Variants in WWP2 observed in about 807,000 individuals in gnomAD.
WWP2 encodes WW domain containing E3 ubiquitin protein ligase 2, also known as NEDD4-like E3 ubiquitin-protein ligase WWP2.
In WWP2, 57 loss-of-function variants were observed where a neutral mutation model predicts 121.0. That is an observed-to-expected ratio of 0.47 (90% confidence interval 0.38 to 0.59). The LOEUF (loss-of-function observed/expected upper bound fraction) is 0.59. WWP2 is among the 20% of genes least tolerant of loss of function. The probability of loss-of-function intolerance (pLI) is 0.00; values close to 1 mark genes in which losing one functional copy is unlikely to be tolerated. For synonymous variants in WWP2, 449 were observed against 441.3 expected, an observed-to-expected ratio of 1.02 and a Z score of -0.22; for missense variants, 962 against 1,158.9, an observed-to-expected ratio of 0.83 and a Z score of 2.47.
rs377062044 is a variant in WWP2 at position 69,772,541 on chromosome 16, G to T, written c.-16+10150G>T. Among the ~76,000 whole-genome samples, 49 of 152,300 alleles carry T rather than the reference G, an allele frequency of 3.2e-4. 1 individual carries two copies. The highest frequency in any genetic ancestry group is 1.0e-3 in the African/African-American group (42 of 41,564). On this transcript the variant is annotated intron_variant, in intron 1 of 23. Coordinates refer to ENST00000359154, the MANE Select transcript of WWP2 (RefSeq NM_001270454.2). ...TCCGTGACTGCTCCTGCAGAGCAGG[G>T]CTACGCTATAGGCAGTGTGTCCCTA...
chr16:69,814,525 A>T (rs924598789), intron 4 of WWP2, among the ~76,000 whole-genome samples: 2 of 152,146 alleles, frequency 1.3e-5, no homozygotes, highest in Admixed American at 1.3e-4. Context: ...CCACACCACC[A>T]TGAAAGGTGA....
chr16:69,909,083 A>C, intron 9 of WWP2: 1 of 1,312,376 alleles, frequency 7.6e-7, no homozygotes, highest in East Asian at 3.1e-5. Flanking sequence ...GCCAAGATTT[A>C]GAGTGTTGAT....
intron 4 of WWP2, among the ~76,000 whole-genome samples, chr16:69,806,541 T>G (rs1171159570): frequency 6.6e-6 from 1 of 152,210 alleles, no homozygotes; most frequent in Non-Finnish European, 1.5e-5. Context: ...TCTGGCATCT[T>G]GCTTTGAAAT....
intron 23 of WWP2, 28 bp downstream of exon 23, chr16:69,939,441 C>CG (rs950465864): frequency 5.6e-6 from 9 of 1,612,888 alleles, no homozygotes; most frequent in African/African-American, 1.3e-5. Context: ...AGTGGGAGGT[C>CG]GGGGGGCCTC....
intron 4 of WWP2, among the ~76,000 whole-genome samples, chr16:69,832,638 G>A (rs1471210146): frequency 2.0e-5 from 3 of 152,138 alleles, no homozygotes; most frequent in Non-Finnish European, 2.9e-5. Flanking sequence ...TGCCTCCTGG[G>A]TTCAAGTGAT....
intron 11 of WWP2, among the ~76,000 whole-genome samples, chr16:69,927,133 T>G (rs1456233079): frequency 1.3e-5 from 2 of 152,006 alleles, no homozygotes. Flanking sequence ...ACTGTCATAG[T>G]CTAGAATTAA....
chr16:69,939,023 C>A lies in WWP2; in HGVS notation c.2344-4C>A. The A allele has an allele frequency of 6.3e-7, 1 of 1,598,034 alleles. No homozygotes were observed. Among genetic ancestry groups the A allele is most frequent in the South Asian group, 1.1e-5 (1 of 88,754 alleles). On this transcript the variant is annotated splice_region_variant and splice_polypyrimidine_tract_variant and intron_variant, in intron 21 of 23. Coordinates refer to ENST00000359154, the MANE Select transcript of WWP2 (RefSeq NM_001270454.2). ...TGACTGTGCCTTGACTTGCGGACTT[C>A]CAGGTGGTGAAGGAGATGGACAACG...
chr16:69,917,025 G>A (rs1300258200), intron 9 of WWP2, among the ~76,000 whole-genome samples: 1 of 152,186 alleles, frequency 6.6e-6, no homozygotes, highest in Non-Finnish European at 1.5e-5. Context: ...GTGAGACTCT[G>A]TCTCAAAACA....
chr16:69,777,279 T>C (rs2055554675), intron 1 of WWP2, among the ~76,000 whole-genome samples: 2 of 151,954 alleles, frequency 1.3e-5, no homozygotes, highest in Admixed American at 6.6e-5. Context: ...AATAATACTT[T>C]CCTTTGTGTG....
chr16:69,789,517 C>T (rs2055863936), intron 2 of WWP2, among the ~76,000 whole-genome samples: 1 of 152,176 alleles, frequency 6.6e-6, no homozygotes, highest in Non-Finnish European at 1.5e-5. Flanking sequence ...CGTGAGCCAC[C>T]GTGCCCAGCC....
intron 2 of WWP2, among the ~76,000 whole-genome samples, chr16:69,795,049 T>C (rs1246943509): frequency 6.6e-6 from 1 of 152,014 alleles, no homozygotes; most frequent in Non-Finnish European, 1.5e-5. Context: ...GCCTGGCCAA[T>C]GGGGTGAAAT....
intron 4 of WWP2, among the ~76,000 whole-genome samples, chr16:69,817,027 A>C (rs1471731228): frequency 4.6e-5 from 7 of 152,230 alleles, no homozygotes; most frequent in Non-Finnish European, 8.8e-5. Context: ...CCAAGGAAGA[A>C]GGTTAAAATC....
chr16:69,936,480 T>C (rs771329319), intron 19 of WWP2, 28 bp downstream of exon 19: 7 of 1,612,520 alleles, frequency 4.3e-6, no homozygotes. Flanking sequence ...GGGGCTCCGC[T>C]CCAGGGGTGG....
chr16:69,848,338 T>C (rs1001590333), intron 6 of WWP2, among the ~76,000 whole-genome samples: 1 of 151,816 alleles, frequency 6.6e-6, no homozygotes, highest in Admixed American at 6.6e-5. Flanking sequence ...TAATCCCGGC[T>C]ACGTGGGGAG....
chr16:69,784,084 T>C (rs1292455733), intron 1 of WWP2, among the ~76,000 whole-genome samples: 3 of 116,340 alleles, frequency 2.6e-5, no homozygotes, highest in African/African-American at 5.3e-5. Context: ...TTTTTCTTTC[T>C]TTCTTTCTTT....
chr16:69,813,223 C>T (rs11640490), intron 4 of WWP2, among the ~76,000 whole-genome samples: 12,745 of 148,652 alleles, frequency 0.086, 670 homozygotes, highest in South Asian at 0.22. Flanking sequence ...AGTGCAATGG[C>T]GCGATCTTCG....
chr16:69,888,917 G>A (rs2057976706), intron 8 of WWP2, among the ~76,000 whole-genome samples: 2 of 152,120 alleles, frequency 1.3e-5, no homozygotes, highest in South Asian at 2.1e-4. Context: ...TGTTGGCCAG[G>A]CTGGTCTCGA....
intron 9 of WWP2, chr16:69,909,107 C>T: frequency 8.4e-7 from 1 of 1,186,554 alleles, no homozygotes; most frequent in Non-Finnish European, 1.0e-6. Flanking sequence ...TTCCGCCGTA[C>T]CCTATGCCCA....
intron 1 of WWP2, among the ~76,000 whole-genome samples, chr16:69,764,357 C>T (rs939831820): frequency 6.6e-6 from 1 of 152,080 alleles, no homozygotes; most frequent in Non-Finnish European, 1.5e-5. Flanking sequence ...GGTGCCACCT[C>T]GCCTGGCTAA....
Sources: allele counts gnomAD v4.1 joint callset (sites outside exome capture counted in the v4.1 genomes callset), GRCh38; gene constraint gnomAD v4.1.1; transcripts MANE v1.5; gene names NCBI Gene and HGNC (gene_info 2026-07-23, HGNC 2026-07-21).